Variants in DGKB observed in about 807,000 individuals in gnomAD.
DGKB encodes 90 kDa diacylglycerol kinase.
A neutral mutation model predicts 114.3 loss-of-function variants in DGKB; 67 were observed. That is an observed-to-expected ratio of 0.59 (90% confidence interval 0.48 to 0.72). The LOEUF (loss-of-function observed/expected upper bound fraction) is 0.72. Among genes scored for constraint, DGKB ranks in the 30% least tolerant of loss-of-function variants. The pLI is 0.00. For missense variants in DGKB, 907 were observed against 975.2 expected (o/e 0.93, Z 0.93); for synonymous variants, 398 against 323.1 (o/e 1.23, Z -2.49).
At chr7:14,682,999 C>A (rs1330396263) in intron 10 of DGKB, among the ~76,000 whole-genome samples, 158 bp from the exon 11 acceptor site, 1 of 152,084 alleles carries the variant, frequency 6.6e-6, no homozygotes, top group Non-Finnish European at 1.5e-5. Flanking sequence ...ACTGTTTTTA[C>A]CATGGAATAT....
intron 21 of DGKB, among the ~76,000 whole-genome samples, chr7:14,476,135 T>A (rs2128900252): frequency 6.6e-6 from 1 of 151,956 alleles, no homozygotes; most frequent in Admixed American, 6.6e-5. Flanking sequence ...TATAAACTTC[T>A]TTATGAATAT....
chr7:14,872,213 C>G (rs764597491), intron 1 of DGKB, among the ~76,000 whole-genome samples: 24 of 152,108 alleles, frequency 1.6e-4, no homozygotes, highest in Non-Finnish European at 2.5e-4. Flanking sequence ...TAAATGACAC[C>G]AATTTCTCCA....
At chr7:14,238,608 C>T (rs1427259551) in intron 23 of DGKB, among the ~76,000 whole-genome samples, 2 of 151,730 alleles carry the variant, frequency 1.3e-5, no homozygotes, top group African/African-American at 2.4e-5. Flanking sequence ...ATGATCGTAG[C>T]AAATCATTCT....
chr7:14,162,670 G>T lies in DGKB; in HGVS notation c.2305-13432C>A, dbSNP rs1366194801. ...TCAGGTTTCAAAATAAAGAATAAAA[G>T]AAAAACTTAAATTCATTGAACAATA... On this transcript the variant is annotated intron_variant, in intron 25 of 25. Transcript: ENST00000402815. Among the ~76,000 whole-genome samples the T allele has an allele frequency of 3.3e-5, 5 of 152,140 alleles. No individual in the cohort carries two copies. In the South Asian group the frequency reaches 6.2e-4, roughly 19 times the overall value.
At chr7:14,450,964 G>A (rs879905751) in intron 21 of DGKB, among the ~76,000 whole-genome samples, 2 of 152,054 alleles carry the variant, frequency 1.3e-5, no homozygotes, top group Admixed American at 1.3e-4. Context: ...ATCAGGAATA[G>A]CTATCAGTCA....
At chr7:14,689,205 T>TA (rs1554599135) in intron 9 of DGKB, among the ~76,000 whole-genome samples, 1 of 121,138 alleles carries the variant, frequency 8.3e-6, no homozygotes, top group Non-Finnish European at 1.8e-5. Context: ...TCTTATTTTT[T>TA]TTTTTTTTTT....
chr7:14,501,556 G>T (rs1786183029), intron 20 of DGKB, among the ~76,000 whole-genome samples: 1 of 151,850 alleles, frequency 6.6e-6, no homozygotes, highest in African/African-American at 2.4e-5. Flanking sequence ...TGTGTCTCTG[G>T]AAAAGAGGTA....
At chr7:14,705,421 C>T (rs1349700162) in intron 6 of DGKB, among the ~76,000 whole-genome samples, 3 of 151,232 alleles carry the variant, frequency 2.0e-5, no homozygotes, top group Admixed American at 2.0e-4. Context: ...AGAACTTCCC[C>T]AATCTAGCAA....
At chr7:14,738,186 C>A (rs564402895) in intron 4 of DGKB, among the ~76,000 whole-genome samples, 24 of 152,232 alleles carry the variant, frequency 1.6e-4, no homozygotes, top group Non-Finnish European at 3.4e-4. Context: ...GGTGAGTGAC[C>A]AAAATTGATA....
At chr7:14,265,315 A>ATTTT (rs1178230744) in intron 23 of DGKB, among the ~76,000 whole-genome samples, 2 of 40,514 alleles carry the variant, frequency 4.9e-5, no homozygotes, top group African/African-American at 3.7e-4. Flanking sequence ...TTTCTCTTGC[A>ATTTT]TTCTTTTTTT....
intron 20 of DGKB, among the ~76,000 whole-genome samples, chr7:14,500,591 C>G (rs1013422247): frequency 2.6e-5 from 4 of 151,222 alleles, no homozygotes; most frequent in African/African-American, 4.8e-5. Context: ...TTTAATTTCA[C>G]TATTATTATT....
intron 13 of DGKB, among the ~76,000 whole-genome samples, chr7:14,672,671 G>A (rs1360431218): frequency 6.6e-6 from 1 of 151,924 alleles, no homozygotes; most frequent in African/African-American, 2.4e-5. Flanking sequence ...ACAATTCCTG[G>A]TAAGTAGCAG....
chr7:14,164,621 T>C (rs1007315979), intron 25 of DGKB, among the ~76,000 whole-genome samples: 1 of 152,196 alleles, frequency 6.6e-6, no homozygotes, highest in Non-Finnish European at 1.5e-5. Flanking sequence ...AACAATGTCC[T>C]TCTTTAATAT....
chr7:14,163,946 G>A (rs1237238331), intron 25 of DGKB, among the ~76,000 whole-genome samples: 1 of 151,682 alleles, frequency 6.6e-6, no homozygotes, highest in East Asian at 1.9e-4. Flanking sequence ...AGTGAGCCGA[G>A]ATCATGCCAT....
intron 21 of DGKB, among the ~76,000 whole-genome samples, chr7:14,462,182 T>G (rs1260412791): frequency 6.6e-6 from 1 of 152,276 alleles, no homozygotes; most frequent in East Asian, 1.9e-4. Context: ...ACTATTCCCT[T>G]TGAAAACTGG....
At chr7:14,641,972 T>G (rs2128875867) in intron 13 of DGKB, among the ~76,000 whole-genome samples, 1 of 152,238 alleles carries the variant, frequency 6.6e-6, no homozygotes, top group South Asian at 2.1e-4. Context: ...TTCTTTACAC[T>G]TAAGAGAACA....
At chr7:14,412,779 C>T (rs1023911655) in intron 21 of DGKB, among the ~76,000 whole-genome samples, 2 of 151,930 alleles carry the variant, frequency 1.3e-5, no homozygotes, top group African/African-American at 4.8e-5. Context: ...GTCAGGAGTT[C>T]GAGACCAGCC....
chr7:14,604,627 G>A (rs188191304), intron 17 of DGKB, among the ~76,000 whole-genome samples: 77 of 152,218 alleles, frequency 5.1e-4, no homozygotes, highest in Admixed American at 2.6e-3. Context: ...GGGTATCAGA[G>A]TAATAGGGAG....
intron 23 of DGKB, among the ~76,000 whole-genome samples, chr7:14,294,237 A>C (rs554214279): frequency 6.6e-6 from 1 of 152,180 alleles, no homozygotes; most frequent in Non-Finnish European, 1.5e-5. Context: ...CCACCCAGAT[A>C]TTCCAGGATA....
Sources: allele counts gnomAD v4.1 joint callset (sites outside exome capture counted in the v4.1 genomes callset), GRCh38; gene constraint gnomAD v4.1.1; transcripts MANE v1.5; gene names NCBI Gene and HGNC (gene_info 2026-07-23, HGNC 2026-07-21).